NOX4: variants seen among roughly 807,000 people sequenced by gnomAD.
NOX4 encodes the protein kidney oxidase-1.
Under a neutral mutation model 87.6 loss-of-function variants are expected in NOX4, and 69 were observed. That is an observed-to-expected ratio of 0.79 (90% confidence interval 0.65 to 0.96). NOX4 has a LOEUF of 0.96. Among genes scored for constraint, NOX4 ranks in the 40% least tolerant of loss-of-function variants. The pLI, the probability that NOX4 is intolerant of heterozygous loss-of-function variation, is 0.00. For synonymous variants in NOX4, 275 were observed against 238.2 expected, an observed-to-expected ratio of 1.15 and a Z score of -1.42; for missense variants, 680 against 681.5, an observed-to-expected ratio of 1.00 and a Z score of 0.02.
At chr11:89,427,291 C>T (rs1943478839) in intron 7 of NOX4, among the ~76,000 whole-genome samples, 1 of 152,036 alleles carries the variant, frequency 6.6e-6, no homozygotes, top group South Asian at 2.1e-4. Context: ...AGCAGAAAAG[C>T]TGAAAATTCT....
intron 12 of NOX4, among the ~76,000 whole-genome samples, chr11:89,361,565 T>A (rs901514371): frequency 6.6e-6 from 1 of 152,004 alleles, no homozygotes; most frequent in African/African-American, 2.4e-5. Context: ...AAAGAATTTA[T>A]ACATGGAACC....
chr11:89,441,898 A>T (rs987505477), intron 5 of NOX4, among the ~76,000 whole-genome samples: 2 of 150,112 alleles, frequency 1.3e-5, no homozygotes, highest in African/African-American at 4.9e-5. Context: ...GTATATTGGC[A>T]CAAAACCATC....
chr11:89,421,225 A>C (rs548667278), intron 8 of NOX4, among the ~76,000 whole-genome samples: 3 of 152,168 alleles, frequency 2.0e-5, no homozygotes, highest in Non-Finnish European at 4.4e-5. Flanking sequence ...AAAGCCATCA[A>C]GTTCACTGCC....
chr11:89,432,764 T>C lies in NOX4; in HGVS notation c.548+20A>G. On this transcript the variant is annotated intron_variant, in intron 7 of 17. Transcript: ENST00000263317. ...ATAACCTGACAGATACACATCAAAATAATTGATTCTGACACTTACCTTATT... is the reference window on the plus strand; with the variant it reads ...ATAACCTGACAGATACACATCAAAACAATTGATTCTGACACTTACCTTATT... 1 of 1,556,782 alleles carries C rather than the reference T, an allele frequency of 6.4e-7. No individual in the cohort carries two copies.
intron 2 of NOX4, chr11:89,488,849 T>C: frequency 1.0e-5 from 6 of 600,486 alleles, no homozygotes; most frequent in Non-Finnish European, 1.8e-5. Context: ...ACCTCATGTG[T>C]TTATTAGAAG....
intron 8 of NOX4, among the ~76,000 whole-genome samples, chr11:89,421,405 TA>T (rs1430405081): frequency 6.6e-6 from 1 of 151,866 alleles, no homozygotes; most frequent in South Asian, 2.1e-4. Flanking sequence ...TTTTTCACTT[TA>T]TGTTTTTTTT....
chr11:89,575,008 C>T, the NOX4 span, among the ~76,000 whole-genome samples: 1 of 152,084 alleles, frequency 6.6e-6, no homozygotes, highest in African/African-American at 2.4e-5. Context: ...CATGGTAAAA[C>T]CCCGTCTCTA....
chr11:89,543,263 A>G, the NOX4 span, among the ~76,000 whole-genome samples: 113 of 152,310 alleles, frequency 7.4e-4, no homozygotes, highest in African/African-American at 2.6e-3. Context: ...TCAAGAATTG[A>G]CAAGATGGAA....
intron 5 of NOX4, among the ~76,000 whole-genome samples, chr11:89,441,070 A>G (rs1296866877): frequency 2.0e-5 from 3 of 152,184 alleles, no homozygotes; most frequent in Non-Finnish European, 4.4e-5. Flanking sequence ...AACTATTATT[A>G]TATACTCTGT....
intron 8 of NOX4, among the ~76,000 whole-genome samples, chr11:89,406,193 T>G (rs1235696481): frequency 6.6e-6 from 1 of 152,098 alleles, no homozygotes; most frequent in Non-Finnish European, 1.5e-5. Flanking sequence ...AATCTTTTTC[T>G]AAAGAATATT....
the NOX4 span, among the ~76,000 whole-genome samples, chr11:89,528,114 A>C: frequency 6.6e-6 from 1 of 152,200 alleles, no homozygotes; most frequent in Non-Finnish European, 1.5e-5. Context: ...CAGAGCTTTA[A>C]GATTTTAATG....
intron 17 of NOX4, among the ~76,000 whole-genome samples, chr11:89,332,764 T>A (rs956863548): frequency 6.6e-6 from 1 of 151,924 alleles, no homozygotes; most frequent in Non-Finnish European, 1.5e-5. Context: ...ATATCTGCAT[T>A]CTGGCTCATT....
chr11:89,589,474 C>T, the NOX4 span: 3 of 152,272 alleles, frequency 2.0e-5, no homozygotes, highest in South Asian at 6.2e-4. Context: ...TCTTCGAATC[C>T]AGCAGGCATG....
chr11:89,345,978 ATCC>A (rs1946200146), intron 13 of NOX4, among the ~76,000 whole-genome samples: 1 of 152,190 alleles, frequency 6.6e-6, no homozygotes, highest in Admixed American at 6.5e-5. Flanking sequence ...AAGGAAAGGC[ATCC>A]AAATAAGAAA....
chr11:89,453,075 C>G (rs1945039688), intron 2 of NOX4, among the ~76,000 whole-genome samples: 1 of 152,110 alleles, frequency 6.6e-6, no homozygotes. Context: ...AAAATACACT[C>G]TTAGCTATTT....
intron 13 of NOX4, among the ~76,000 whole-genome samples, chr11:89,354,109 T>G (rs1433803568): frequency 3.3e-5 from 5 of 152,356 alleles, no homozygotes; most frequent in South Asian, 2.1e-4. Context: ...GAAAAAACTC[T>G]CAAAGCGATG....
At chr11:89,442,366 T>C (rs1944497177) in intron 5 of NOX4, among the ~76,000 whole-genome samples, 1 of 152,072 alleles carries the variant, frequency 6.6e-6, no homozygotes, top group Admixed American at 6.6e-5. Context: ...ACTAAAAATG[T>C]ACAACCTTTT....
At chr11:89,466,484 T>C (rs1945700108) in intron 2 of NOX4, among the ~76,000 whole-genome samples, 1 of 152,220 alleles carries the variant, frequency 6.6e-6, no homozygotes. Context: ...AGTTAACTTA[T>C]TGCCATAGGG....
At chr11:89,378,567 C>A (rs1940036291) in intron 11 of NOX4, among the ~76,000 whole-genome samples, 2 of 151,778 alleles carry the variant, frequency 1.3e-5, no homozygotes, top group Admixed American at 1.3e-4. Context: ...TTATATATTC[C>A]ACAGCACCTT....
Sources: gnomAD v4.1 joint callset for allele counts (sites outside exome capture counted in the v4.1 genomes callset) on GRCh38, gnomAD v4.1.1 for gene constraint, MANE v1.5 for transcripts, NCBI Gene and HGNC (gene_info 2026-07-23, HGNC 2026-07-21) for gene names.